DRGX: variants seen among roughly 807,000 people sequenced by gnomAD.
DRGX encodes dorsal root ganglia homeobox.
Under a neutral mutation model 28.6 loss-of-function variants are expected in DRGX, and 21 were observed. The observed-to-expected ratio is 0.73, with a 90% CI of 0.52 to 1.06. The LOEUF (loss-of-function observed/expected upper bound fraction) is 1.06, where lower values mean the gene tolerates loss of function less well. Among genes scored for constraint, DRGX ranks in the 50% least tolerant of loss-of-function variants. The pLI is 0.00. For synonymous variants in DRGX, 136 were observed against 139.1 expected (o/e 0.98, Z 0.16); for missense variants, 354 against 343.9 (o/e 1.03, Z -0.23).
chr10:49,373,044 G>C (rs1564705115), intron 6 of DRGX, among the ~76,000 whole-genome samples: 2 of 151,718 alleles, frequency 1.3e-5, no homozygotes, highest in African/African-American at 4.8e-5. Flanking sequence ...ACTAAAATTG[G>C]AACAATAAAG....
chr10:49,366,352 C>G lies in DRGX; in HGVS notation c.556G>C (p.Asp186His). 6.2e-7 allele frequency: 1 copy of G among 1,612,366 alleles called. No homozygotes were observed. The highest frequency in any genetic ancestry group is 8.5e-7 in the Non-Finnish European group (1 of 1,178,778). ...GGAAGGAAGGAGAGTCCCATGGGGT[C>G]TGGGACGCAGCAAGAGCACAGTGGG... ...GGPLCSCCVPDPMGLSFLPTY... is the reference protein window; with the variant it reads ...GGPLCSCCVPHPMGLSFLPTY... The change falls in exon 7 of 7, where the codon GAC becomes CAC. Residue 186 changes from aspartate to histidine, a missense_variant. Transcript: ENST00000374139.
Position 49,366,023 on chromosome 10 carries a change from C to A in DRGX, c.*93G>T, listed in dbSNP as rs1220790803. ...CATGCAGAGGCCCTGGGGCCGCAGG[C>A]TTCTCCTTGCTATTTGGAGAGTTTT... is the stretch of plus-strand genomic sequence containing the variant. On this transcript the variant is annotated 3_prime_UTR_variant, in exon 7 of 7. Transcript: ENST00000374139. 3 of 1,424,716 alleles carry A rather than the reference C, an allele frequency of 2.1e-6. No homozygotes were observed. The highest frequency in any genetic ancestry group is 2.8e-6 in the Non-Finnish European group (3 of 1,085,400). The allele number at this position is 1,424,716 out of a possible 1,614,324, so 88.3% of individuals were successfully genotyped here.
intron 4 of DRGX, among the ~76,000 whole-genome samples, chr10:49,389,442 A>G (rs1849875146): frequency 6.6e-6 from 1 of 152,218 alleles, no homozygotes. Flanking sequence ...TGCTCAAAGA[A>G]TAGCTCGCCC....
chr10:49,365,956 G>C lies in DRGX; in HGVS notation c.*160C>G. On this transcript the variant is annotated 3_prime_UTR_variant, in exon 7 of 7. Coordinates refer to ENST00000374139, the MANE Select transcript of DRGX (RefSeq NM_001276451.2). The stretch of plus-strand genomic sequence containing the variant: ...GGTGGGACTCCAGAGGGACGCTCCA[G>C]GTGCCAAGGGAGCTGTGGGTCTCAC... The C allele has an allele frequency of 1.2e-6, 1 of 816,162 alleles. No homozygotes were observed. The highest frequency in any genetic ancestry group is 1.8e-6 in the Non-Finnish European group (1 of 570,948). The allele number at this position is 816,162 out of a possible 1,614,324, so 50.6% of individuals were successfully genotyped here.
intron 4 of DRGX, among the ~76,000 whole-genome samples, chr10:49,388,458 G>A (rs1849864505): frequency 6.6e-6 from 1 of 152,150 alleles, no homozygotes; most frequent in African/African-American, 2.4e-5. Context: ...TCCTTTAACT[G>A]GGTTTCTTTC....
Position 49,386,462 on chromosome 10 carries a change from C to A in DRGX, c.526+16G>T, listed in dbSNP as rs749762890. The A allele has an allele frequency of 6.5e-7, 1 of 1,530,350 alleles. No individual in the cohort carries two copies. Among genetic ancestry groups the A allele is most frequent in the Non-Finnish European group, 8.8e-7 (1 of 1,138,278 alleles). The allele number at this position is 1,530,350 out of a possible 1,614,324, so 94.8% of individuals were successfully genotyped here. A position where few individuals can be genotyped will look rare whatever the true frequency, so the allele number is the denominator to read the frequency against. On this transcript the variant is annotated intron_variant, in intron 6 of 6. Transcript: ENST00000374139. ...CATGAGGCCACGCCCACCAGCCCAG[C>A]CGAACCCAAACTCACCTTTGAGGGA...
intron 6 of DRGX, among the ~76,000 whole-genome samples, chr10:49,369,726 G>T (rs543596358): frequency 6.6e-6 from 1 of 152,214 alleles, no homozygotes; most frequent in East Asian, 1.9e-4. Context: ...GGTTAAGATG[G>T]TAAATTTTAT....
At chr10:49,367,871 C>T (rs768913489) in intron 6 of DRGX, among the ~76,000 whole-genome samples, 6 of 152,186 alleles carry the variant, frequency 3.9e-5, no homozygotes, top group Non-Finnish European at 8.8e-5. Flanking sequence ...GGGCAGTAAT[C>T]GTGAGACAAA....
chr10:49,394,009 G>C (rs1849939229), intron 2 of DRGX, among the ~76,000 whole-genome samples: 1 of 152,188 alleles, frequency 6.6e-6, no homozygotes, highest in Non-Finnish European at 1.5e-5. Context: ...CTGGCAATTA[G>C]TCCAGACCCC....
intron 6 of DRGX, among the ~76,000 whole-genome samples, chr10:49,382,909 T>G (rs1849792797): frequency 1.3e-5 from 2 of 152,228 alleles, no homozygotes; most frequent in Admixed American, 1.3e-4. Context: ...TGTGTGTGTG[T>G]GTCCCACCTG....
chr10:49,383,641 C>T (rs556102415), intron 6 of DRGX, among the ~76,000 whole-genome samples: 168 of 152,300 alleles, frequency 1.1e-3, no homozygotes, highest in African/African-American at 3.8e-3. Context: ...CTTGTGATGG[C>T]GTTCAGAGGC....
chr10:49,393,994 A>C (rs1027022718), intron 2 of DRGX, among the ~76,000 whole-genome samples: 1 of 152,226 alleles, frequency 6.6e-6, no homozygotes, highest in Non-Finnish European at 1.5e-5. Context: ...AGGGTGGGAC[A>C]CTGGCTGGCA....
At chr10:49,387,650 G>A (rs1202673171) in intron 4 of DRGX, among the ~76,000 whole-genome samples, 2 of 136,686 alleles carry the variant, frequency 1.5e-5, no homozygotes, top group Admixed American at 7.6e-5. Context: ...GTGACACAGT[G>A]AGACTCCATC....
chr10:49,378,267 C>A (rs77610295), intron 6 of DRGX, among the ~76,000 whole-genome samples: 1 of 151,904 alleles, frequency 6.6e-6, no homozygotes, highest in East Asian at 1.9e-4. Flanking sequence ...AAAAAGGCAG[C>A]AAACACAACT....
chr10:49,390,894 G>A (rs1257458843), intron 3 of DRGX, among the ~76,000 whole-genome samples: 1 of 152,158 alleles, frequency 6.6e-6, no homozygotes, highest in Non-Finnish European at 1.5e-5. Context: ...AAATGATATT[G>A]CTGACATGGA....
At chr10:49,381,416 G>C in intron 6 of DRGX, among the ~76,000 whole-genome samples, 1 of 152,334 alleles carries the variant, frequency 6.6e-6, no homozygotes, top group Middle Eastern at 3.4e-3. Context: ...CCTCTGGCCC[G>C]AGCAGCCCTG....
intron 6 of DRGX, among the ~76,000 whole-genome samples, chr10:49,386,259 G>C (rs1428671874): frequency 1.3e-5 from 2 of 152,172 alleles, no homozygotes; most frequent in African/African-American, 2.4e-5. Flanking sequence ...TCTGTGGGTG[G>C]AATGATGCTT....
At chr10:49,390,064 G>T in intron 4 of DRGX, 69 bp downstream of exon 4, 1 of 1,457,710 alleles carries the variant, frequency 6.9e-7, no homozygotes, top group Non-Finnish European at 9.3e-7. Flanking sequence ...GCACTCTGCA[G>T]TCATGATGTC....
At chr10:49,393,264 T>G (rs1305709090) in intron 2 of DRGX, among the ~76,000 whole-genome samples, 25 of 151,974 alleles carry the variant, frequency 1.6e-4, no homozygotes, top group Non-Finnish European at 2.9e-5. Context: ...TATTACAAAG[T>G]AAAAAAAGCA....
Sources: gnomAD v4.1 joint callset for allele counts (sites outside exome capture counted in the v4.1 genomes callset) on GRCh38, gnomAD v4.1.1 for gene constraint, MANE v1.5 for transcripts, NCBI Gene and HGNC (gene_info 2026-07-23, HGNC 2026-07-21) for gene names.